MTCL2: variants seen among roughly 807,000 people sequenced by gnomAD.
MTCL2 encodes microtubule crosslinking factor 2.
At chr20:36,854,237 G>A in the MTCL2 span, among the ~76,000 whole-genome samples, 8 of 152,138 alleles carry the variant, frequency 5.3e-5, no homozygotes, top group Non-Finnish European at 1.0e-4. Context: ...TTCTCCCTTT[G>A]TAAAAGGAAG....
the MTCL2 span, among the ~76,000 whole-genome samples, chr20:36,789,353 T>C: frequency 3.3e-5 from 5 of 152,152 alleles, no homozygotes; most frequent in African/African-American, 1.2e-4. Flanking sequence ...CAGAGTGCTT[T>C]GAGATGAGAT....
At chr20:36,863,484 C>T in the MTCL2 span, 1 of 550,050 alleles carries the variant, frequency 1.8e-6, no homozygotes. This position sits in a 1 kb window ranked among gnomAD's most constrained non-coding sequence, Gnocchi z 6.2. Flanking sequence ...GACACCGCGT[C>T]CCCGTCCCAA....
the MTCL2 span, among the ~76,000 whole-genome samples, chr20:36,840,673 C>T: frequency 1.3e-5 from 2 of 151,408 alleles, no homozygotes; most frequent in Middle Eastern, 6.8e-3. Flanking sequence ...GGTGAAAATC[C>T]GTCTCTATTA....
chr20:36,802,727 G>C, the MTCL2 span: 10 of 1,121,458 alleles, frequency 8.9e-6, no homozygotes, highest in Middle Eastern at 4.5e-4. Context: ...ACCTGAAGGA[G>C]ATGGTGTGCC....
chr20:36,863,398 C>T, the MTCL2 span: 2 of 1,131,146 alleles, frequency 1.8e-6, no homozygotes, highest in Non-Finnish European at 2.2e-6. The surrounding 1 kb of genome is among the most constrained non-coding windows in gnomAD (Gnocchi z 6.2). Context: ...CCCGCCCGGC[C>T]TCGACGTCCC....
At chr20:36,843,374 T>C in the MTCL2 span, among the ~76,000 whole-genome samples, 1 of 152,120 alleles carries the variant, frequency 6.6e-6, no homozygotes, top group African/African-American at 2.4e-5. Flanking sequence ...CTCGAGAGGT[T>C]TTCCTGCCCA....
At chr20:36,832,264 G>A in the MTCL2 span, among the ~76,000 whole-genome samples, 2 of 152,152 alleles carry the variant, frequency 1.3e-5, no homozygotes, top group African/African-American at 2.4e-5. Flanking sequence ...CCCTGGCTGG[G>A]GTGAGGGCTC....
chr20:36,850,099 C>T, the MTCL2 span, among the ~76,000 whole-genome samples: 2 of 152,128 alleles, frequency 1.3e-5, no homozygotes, highest in African/African-American at 2.4e-5. Flanking sequence ...CTGATATGAC[C>T]CCTACAGACC....
chr20:36,863,087 C>T, the MTCL2 span: 3 of 1,396,282 alleles, frequency 2.1e-6, no homozygotes, highest in Non-Finnish European at 2.8e-6. This position sits in a 1 kb window ranked among gnomAD's most constrained non-coding sequence, Gnocchi z 6.2. Context: ...CGGCCACCCG[C>T]ACACCCGCAC....
the MTCL2 span, chr20:36,786,290 C>T: frequency 7.9e-7 from 1 of 1,272,708 alleles, no homozygotes; most frequent in Non-Finnish European, 1.0e-6. Context: ...TCGAAGCTCA[C>T]CACCCAGGGG....
At chr20:36,831,479 G>T in the MTCL2 span, among the ~76,000 whole-genome samples, 1 of 152,198 alleles carries the variant, frequency 6.6e-6, no homozygotes, top group African/African-American at 2.4e-5. Context: ...TGACTGTTGT[G>T]CCTCCTCCTT....
the MTCL2 span, among the ~76,000 whole-genome samples, chr20:36,841,155 CAAAAAAA>C: frequency 4.7e-4 from 19 of 40,352 alleles, no homozygotes; most frequent in East Asian, 1.0e-3. Flanking sequence ...ACTAAAAATA[CAAAAAAA>C]AAAAAAAAAA....
chr20:36,818,755 ACT>A, the MTCL2 span, among the ~76,000 whole-genome samples: 1 of 152,206 alleles, frequency 6.6e-6, no homozygotes, highest in South Asian at 2.1e-4. Flanking sequence ...TAAATGACAA[ACT>A]CTGAAAAAAT....
At chr20:36,853,978 C>T in the MTCL2 span, among the ~76,000 whole-genome samples, 1 of 152,160 alleles carries the variant, frequency 6.6e-6, no homozygotes, top group Non-Finnish European at 1.5e-5. Flanking sequence ...CCCAAACACC[C>T]TCTGGGTTGC....
At chr20:36,841,874 G>GGTGTGTGTGTGTGTGTGT in the MTCL2 span, among the ~76,000 whole-genome samples, 35 of 110,862 alleles carry the variant, frequency 3.2e-4, no homozygotes, top group East Asian at 1.1e-3. Context: ...TGGGGGGTGG[G>GGTGTGTGTGTGTGTGTGT]GTGTGTGTGT....
chr20:36,860,628 T>C, the MTCL2 span, among the ~76,000 whole-genome samples: 2 of 152,172 alleles, frequency 1.3e-5, no homozygotes, highest in Non-Finnish European at 2.9e-5. Flanking sequence ...ACAAGAGCAG[T>C]GATCAGAGGT....
chr20:36,842,982 C>T, the MTCL2 span, among the ~76,000 whole-genome samples: 85 of 152,216 alleles, frequency 5.6e-4, no homozygotes, highest in Non-Finnish European at 8.1e-4. Flanking sequence ...CCAAAGAAAA[C>T]GGAAAGGAAG....
the MTCL2 span, among the ~76,000 whole-genome samples, chr20:36,792,337 G>A: frequency 5.6e-4 from 85 of 152,068 alleles, no homozygotes; most frequent in African/African-American, 1.8e-3. Context: ...GTGAAACCCC[G>A]TCTCTACTAA....
At chr20:36,856,688 T>G in the MTCL2 span, among the ~76,000 whole-genome samples, 1 of 152,194 alleles carries the variant, frequency 6.6e-6, no homozygotes, top group Non-Finnish European at 1.5e-5. Flanking sequence ...GGTTACAAAG[T>G]CAAGGCCCTG....
Sources: gnomAD v4.1 joint callset for allele counts (sites outside exome capture counted in the v4.1 genomes callset) on GRCh38, gnomAD v4.1.1 for gene constraint, Gnocchi (gnomAD v3.1) non-coding constraint, MANE v1.5 for transcripts, NCBI Gene and HGNC (gene_info 2026-07-23, HGNC 2026-07-21) for gene names.